Variants in MYOCD observed in about 807,000 individuals in gnomAD.
MYOCD encodes the protein myocardin.
A neutral mutation model predicts 96.1 loss-of-function variants in MYOCD; 32 were observed. The ratio of observed to expected loss-of-function variants is 0.33; its 90% CI spans 0.25 to 0.45. The LOEUF is 0.45. Ranked by LOEUF, MYOCD falls within the 20% of genes least tolerant of loss-of-function variation. MYOCD has a pLI of 1.00. For synonymous variants in MYOCD, 469 were observed against 469.0 expected, an observed-to-expected ratio of 1.00 and a Z score of 0.00; for missense variants, 1,133 against 1,200.6, an observed-to-expected ratio of 0.94 and a Z score of 0.83.
rs192004765 is a variant in MYOCD, at chr17:12,685,359, A to G, written c.55+19116A>G. On this transcript the variant is annotated intron_variant, in intron 1 of 13. Coordinates refer to ENST00000425538, the MANE Select transcript of MYOCD (RefSeq NM_001146312.3). ...GTGGCTCACGCCTGTAATCCCAGCA[A>G]TTTGGGAGGCCAAGGCAGGTGGATC... 7.5e-4 allele frequency among the ~76,000 whole-genome samples: 114 copies of G among 151,188 alleles called. No individual in the cohort carries two copies. The East Asian group carries it at 0.012, about 17-fold the overall frequency.
chr17:12,732,854 C>T (rs2032219529), intron 5 of MYOCD, among the ~76,000 whole-genome samples: 1 of 152,160 alleles, frequency 6.6e-6, no homozygotes, highest in South Asian at 2.1e-4. Flanking sequence ...TCTTTCCACC[C>T]CTTTACTGAG....
At chr17:12,680,954 G>A (rs914491784) in intron 1 of MYOCD, among the ~76,000 whole-genome samples, 2 of 152,146 alleles carry the variant, frequency 1.3e-5, no homozygotes, top group Non-Finnish European at 2.9e-5. Flanking sequence ...TCACATGCCT[G>A]CTGCGTGTGC....
chr17:12,740,044 T>C (rs1448941276), intron 7 of MYOCD, among the ~76,000 whole-genome samples: 1 of 152,164 alleles, frequency 6.6e-6, no homozygotes, highest in African/African-American at 2.4e-5. Flanking sequence ...CAAGTGATTC[T>C]CCTGCCTCAG....
intron 1 of MYOCD, among the ~76,000 whole-genome samples, chr17:12,690,650 C>T (rs7225528): frequency 0.067 from 10,255 of 152,202 alleles, 544 homozygotes; most frequent in Admixed American, 0.14. Context: ...AAACATACTT[C>T]TTTTCTCAGA....
intron 1 of MYOCD, among the ~76,000 whole-genome samples, chr17:12,682,212 G>A (rs1052963990): frequency 3.9e-5 from 6 of 152,226 alleles, no homozygotes; most frequent in African/African-American, 1.4e-4. Context: ...CCACTGGTGG[G>A]GAACGGTGGC....
chr17:12,764,207 C>T lies in MYOCD; in HGVS notation c.*563C>T, dbSNP rs1417341874. On this transcript the variant is annotated 3_prime_UTR_variant, in exon 14 of 14. Coordinates refer to ENST00000425538, the MANE Select transcript of MYOCD (RefSeq NM_001146312.3). Reference sequence around the variant, plus strand: ...CAAAACCAATCGATTTCCAGGGAAGCTAATCAACTCTCTTTTCCCTCTACC... The same window carrying T: ...CAAAACCAATCGATTTCCAGGGAAGTTAATCAACTCTCTTTTCCCTCTACC... The T allele has an allele frequency of 6.6e-6, 1 of 152,354 alleles. No homozygotes were observed. Among genetic ancestry groups the T allele is most frequent in the Non-Finnish European group, 1.5e-5 (1 of 68,200 alleles). 9.4% of individuals were successfully genotyped at this position (152,354 alleles called of 1,614,324 possible).
chr17:12,692,967 C>T (rs559266859), intron 1 of MYOCD, among the ~76,000 whole-genome samples: 151 of 152,274 alleles, frequency 9.9e-4, no homozygotes, highest in African/African-American at 3.6e-3. Context: ...GGTCGCAGCT[C>T]CCGTGTTGTG....
In MYOCD at chr17:12,752,646, G is replaced by A. The variant is rs372519617; in HGVS notation, c.1358G>A (p.Ser453Asn). 1.1e-5 allele frequency: 17 copies of A among 1,613,990 alleles called. No individual in the cohort carries two copies. In the East Asian group the frequency reaches 2.2e-4, roughly 21 times the overall value. ...GGCTTCTACCACTTTGGCAGCACCA[G>A]CTCCAGCCCCCCGATCTCCCCAGCC... is the stretch of plus-strand genomic sequence containing the variant. The part of the protein sequence containing the change: ...SNGFYHFGST[S>N]SSPPISPASS... The change falls in exon 10 of 14, where the codon AGC (serine) becomes AAC (asparagine). Residue 453 changes from serine (S) to asparagine (N), a missense_variant. Coordinates refer to ENST00000425538, the MANE Select transcript of MYOCD (RefSeq NM_001146312.3).
intron 5 of MYOCD, among the ~76,000 whole-genome samples, chr17:12,733,396 G>T (rs907238615): frequency 6.6e-6 from 1 of 151,908 alleles, no homozygotes; most frequent in African/African-American, 2.4e-5. Context: ...AACCAAGCAG[G>T]TTGATGATGT....
chr17:12,744,361 T>C lies in MYOCD; in HGVS notation c.896T>C (p.Leu299Pro). Residue 299 changes from leucine (L) to proline (P), a missense_variant, in exon 8 of 14, where the codon CTC becomes CCC. Transcript: ENST00000425538. ...CAGCAACAGCAGCTGTTCCTGCAGC[T>C]CCAAATCCTCAGCCAGCAGCAGCAG... ...LLQQQQLFLQ[L>P]QILSQQQQQQ... 6.2e-7 allele frequency: 1 copy of C among 1,614,112 alleles called. No individual in the cohort carries two copies. Among genetic ancestry groups the C allele is most frequent in the Non-Finnish European group, 8.5e-7 (1 of 1,180,024 alleles).
intron 5 of MYOCD, among the ~76,000 whole-genome samples, chr17:12,729,462 G>A (rs936447244): frequency 6.6e-6 from 1 of 152,160 alleles, no homozygotes; most frequent in Non-Finnish European, 1.5e-5. Context: ...GGTGGGCAGG[G>A]CATGCCCAGG....
intron 5 of MYOCD, among the ~76,000 whole-genome samples, chr17:12,735,955 T>C (rs898381338): frequency 1.3e-5 from 2 of 152,078 alleles, no homozygotes; most frequent in African/African-American, 4.8e-5. Context: ...GATAGACCTT[T>C]GATAGAGCAC....
intron 4 of MYOCD, among the ~76,000 whole-genome samples, chr17:12,720,132 G>A (rs1035711543): frequency 2.6e-5 from 4 of 152,016 alleles, no homozygotes; most frequent in African/African-American, 9.7e-5. Context: ...CACATGTACA[G>A]GGATCATGGC....
chr17:12,752,850 T>C lies in MYOCD; in HGVS notation c.1562T>C (p.Leu521Pro). The C allele has an allele frequency of 1.2e-6, 2 of 1,613,468 alleles. No homozygotes were observed. Among genetic ancestry groups the C allele is most frequent in the Non-Finnish European group, 1.7e-6 (2 of 1,179,834 alleles). Residue 521 changes from leucine (L) to proline (P), a missense_variant, in exon 10 of 14, where the codon CTG (leucine) becomes CCG (proline). Physicochemically the swap from Leu to Pro is moderately conservative, Grantham distance 98. Coordinates refer to ENST00000425538, the MANE Select transcript of MYOCD (RefSeq NM_001146312.3). ...CTGGACTCCGAGAAGGACAAGATGC[T>C]GGTGGAGAAGCAGAAGGTGATCAAT... ...DGLDSEKDKM[L>P]VEKQKVINEL...
rs772943461 is a variant in MYOCD, at chr17:12,763,596, T to A, written c.2913T>A (p.Thr971=). The A allele has an allele frequency of 6.2e-7, 1 of 1,614,082 alleles. No individual in the cohort carries two copies. Among genetic ancestry groups the A allele is most frequent in the East Asian group, 2.2e-5 (1 of 44,880 alleles). The change falls in exon 14 of 14, where the codon ACT becomes ACA. Residue 971 remains threonine, a synonymous_variant. Coordinates refer to ENST00000425538, the MANE Select transcript of MYOCD (RefSeq NM_001146312.3). ...TCAACATCGATTTCCTGGATGTCACTGATCTCAATTTGAATTCTTCCATGG... is the reference window on the plus strand; with the variant it reads ...TCAACATCGATTTCCTGGATGTCACAGATCTCAATTTGAATTCTTCCATGG... ...SIFNIDFLDV[T]DLNLNSSMDL... is the part of the protein sequence containing the mutation.
intron 4 of MYOCD, among the ~76,000 whole-genome samples, chr17:12,721,021 TAAAAAAAAA>T (rs760458241): frequency 9.3e-6 from 1 of 107,576 alleles, no homozygotes. Flanking sequence ...GACTCTGTCT[TAAAAAAAAA>T]AAAAAAAAAA....
At chr17:12,729,424 G>C (rs754164920) in intron 5 of MYOCD, among the ~76,000 whole-genome samples, 1 of 152,076 alleles carries the variant, frequency 6.6e-6, no homozygotes, top group Non-Finnish European at 1.5e-5. Context: ...CTTTGCCTCT[G>C]TGGAAGCCAT....
intron 13 of MYOCD, 169 bp from the exon 14 acceptor site, chr17:12,762,904 A>G (rs1333316961): frequency 6.6e-6 from 4 of 601,584 alleles, no homozygotes; most frequent in Non-Finnish European, 1.2e-5. Flanking sequence ...GGGAAAAACC[A>G]GAGGGAAGAT....
chr17:12,691,442 G>A (rs758516301), intron 1 of MYOCD, among the ~76,000 whole-genome samples: 2 of 152,056 alleles, frequency 1.3e-5, no homozygotes, highest in East Asian at 3.9e-4. Flanking sequence ...AGACTTGGTC[G>A]GGGCCATCAC....
Sources: allele counts gnomAD v4.1 joint callset (sites outside exome capture counted in the v4.1 genomes callset), GRCh38; gene constraint gnomAD v4.1.1; transcripts MANE v1.5; gene names NCBI Gene and HGNC (gene_info 2026-07-23, HGNC 2026-07-21).